The following CYTH1 variants were observed in gnomAD, a reference collection of about 807,000 sequenced individuals.
CYTH1 encodes the protein cytohesin 1, also known as cytohesin-1.
CYTH1 carries 18 observed loss-of-function variants against 61.8 expected under a neutral mutation model. That is an observed-to-expected ratio of 0.29 (90% CI 0.20 to 0.43). CYTH1 has a LOEUF of 0.43. Among genes scored for constraint, CYTH1 ranks in the 20% least tolerant of loss-of-function variants. The pLI, the probability that CYTH1 is intolerant of heterozygous loss-of-function variation, is 1.00. For missense variants in CYTH1, 336 were observed against 510.5 expected (o/e 0.66, Z 3.29); for synonymous variants, 174 against 184.3 (o/e 0.94, Z 0.45).
chr17:78,726,383 C>T (rs1472718435), intron 1 of CYTH1, among the ~76,000 whole-genome samples: 1 of 149,366 alleles, frequency 6.7e-6, no homozygotes, highest in East Asian at 1.9e-4. Context: ...AAACGAGGCC[C>T]CCTGTCAGTT....
chr17:78,748,514 C>T (rs564024235), intron 1 of CYTH1, among the ~76,000 whole-genome samples: 4 of 152,202 alleles, frequency 2.6e-5, no homozygotes, highest in Non-Finnish European at 4.4e-5. Context: ...ATGATAAATA[C>T]AATTGATCTT....
chr17:78,768,937 G>A (rs962400019), intron 1 of CYTH1, among the ~76,000 whole-genome samples: 1 of 152,122 alleles, frequency 6.6e-6, no homozygotes, highest in Admixed American at 6.5e-5. Context: ...CTTGAGGCCA[G>A]GAGATCAAGA....
intron 1 of CYTH1, among the ~76,000 whole-genome samples, chr17:78,733,168 C>T (rs1222079977): frequency 2.0e-5 from 3 of 151,702 alleles, no homozygotes; most frequent in Admixed American, 6.6e-5. Flanking sequence ...AATCCAGTGT[C>T]CCACTGAGGA....
rs554046365 is a variant in CYTH1, at chr17:78,762,412, C to G, written c.22+19790G>C. 5.7e-4 allele frequency among the ~76,000 whole-genome samples: 87 copies of G among 152,284 alleles called. 1 individual carries two copies. The highest frequency in any genetic ancestry group is 7.3e-5 in the Non-Finnish European group (5 of 68,028). ...ACTGCAATACTTAATACCCATGAGGCACACTTCCATAAGAAGAAAATGATA... is the reference window on the plus strand; with the variant it reads ...ACTGCAATACTTAATACCCATGAGGGACACTTCCATAAGAAGAAAATGATA... On this transcript the variant is annotated intron_variant, in intron 1 of 13. Coordinates refer to ENST00000446868, the MANE Select transcript of CYTH1 (RefSeq NM_004762.6).
chr17:78,721,146 G>C (rs979477625), intron 1 of CYTH1, among the ~76,000 whole-genome samples: 1 of 151,930 alleles, frequency 6.6e-6, no homozygotes, highest in African/African-American at 2.4e-5. Context: ...CCTGGCCAAC[G>C]TGGTGAAACC....
At chr17:78,714,119 G>A (rs1407184109) in intron 1 of CYTH1, among the ~76,000 whole-genome samples, 1 of 151,768 alleles carries the variant, frequency 6.6e-6, no homozygotes, top group Non-Finnish European at 1.5e-5. Context: ...GTGAAACCCC[G>A]TCTCTACTAA....
chr17:78,689,954 C>T (rs563376545), intron 11 of CYTH1, among the ~76,000 whole-genome samples: 107 of 151,944 alleles, frequency 7.0e-4, no homozygotes, highest in Non-Finnish European at 1.4e-3. Flanking sequence ...GCTGCCCCTG[C>T]CACCGCTGCT....
At chr17:78,708,669 T>C (rs1217622126) in intron 2 of CYTH1, among the ~76,000 whole-genome samples, 1 of 152,242 alleles carries the variant, frequency 6.6e-6, no homozygotes, top group South Asian at 2.1e-4. Flanking sequence ...CTGCAGAGCC[T>C]GCAGTAGCTG....
chr17:78,681,227 A>G (rs919531193), intron 11 of CYTH1, among the ~76,000 whole-genome samples, 185 bp from the exon 12 acceptor site: 2 of 152,202 alleles, frequency 1.3e-5, no homozygotes, highest in African/African-American at 2.4e-5. Flanking sequence ...AGGATTGTCA[A>G]TATAACTGCT....
chr17:78,679,189 C>T (rs2143985267), intron 13 of CYTH1, among the ~76,000 whole-genome samples: 1 of 152,342 alleles, frequency 6.6e-6, no homozygotes, highest in Non-Finnish European at 1.5e-5. Context: ...ACACAGTACA[C>T]AGAGGACTTA....
chr17:78,703,411 CAAAAA>C (rs67437891), intron 3 of CYTH1, among the ~76,000 whole-genome samples: 2 of 69,686 alleles, frequency 2.9e-5, no homozygotes, highest in Admixed American at 1.9e-4. Context: ...ACTCCGTCTC[CAAAAA>C]AAAAAAAAAA....
At chr17:78,715,248 A>AAGAT (rs1474278121) in intron 1 of CYTH1, among the ~76,000 whole-genome samples, 26 of 152,202 alleles carry the variant, frequency 1.7e-4, no homozygotes, top group Non-Finnish European at 5.9e-5. Flanking sequence ...CCGCACACTA[A>AAGAT]AGATAGCGCA....
intron 1 of CYTH1, among the ~76,000 whole-genome samples, chr17:78,712,258 A>T (rs1335255250): frequency 6.6e-6 from 1 of 152,156 alleles, no homozygotes; most frequent in Non-Finnish European, 1.5e-5. Flanking sequence ...TGCATTTTAC[A>T]TCATGACCCA....
At chr17:78,774,454 T>C (rs2093483429) in intron 1 of CYTH1, among the ~76,000 whole-genome samples, 1 of 152,276 alleles carries the variant, frequency 6.6e-6, no homozygotes, top group East Asian at 1.9e-4. Context: ...ACAGAAGTGT[T>C]CTGGTTTCTG....
At chr17:78,772,808 T>A (rs1406010883) in intron 1 of CYTH1, among the ~76,000 whole-genome samples, 3 of 151,830 alleles carry the variant, frequency 2.0e-5, no homozygotes, top group Non-Finnish European at 4.4e-5. Context: ...AGTGTTGGGA[T>A]TACAGGCGTG....
intron 1 of CYTH1, among the ~76,000 whole-genome samples, chr17:78,761,807 A>G (rs1341503369): frequency 6.6e-6 from 1 of 152,254 alleles, no homozygotes; most frequent in Non-Finnish European, 1.5e-5. Context: ...TTAGAATGCT[A>G]TACACACACA....
intron 1 of CYTH1, among the ~76,000 whole-genome samples, chr17:78,747,163 A>G (rs955523229): frequency 1.3e-5 from 2 of 150,594 alleles, no homozygotes; most frequent in African/African-American, 2.4e-5. Context: ...AAAAAAAAAA[A>G]AAAAAAAGAA....
chr17:78,689,387 A>G (rs1283721778), intron 11 of CYTH1, among the ~76,000 whole-genome samples: 8 of 152,214 alleles, frequency 5.3e-5, no homozygotes, highest in Non-Finnish European at 1.2e-4. Flanking sequence ...ACCTCAGATC[A>G]TCAGGCATTA....
intron 3 of CYTH1, among the ~76,000 whole-genome samples, chr17:78,703,277 T>C (rs1448434125): frequency 6.6e-6 from 1 of 151,368 alleles, no homozygotes; most frequent in Non-Finnish European, 1.5e-5. Context: ...CCAGGCATGG[T>C]GGTGGGCACC....
Sources: allele counts gnomAD v4.1 joint callset (sites outside exome capture counted in the v4.1 genomes callset), GRCh38; gene constraint gnomAD v4.1.1; transcripts MANE v1.5; gene names NCBI Gene and HGNC (gene_info 2026-07-23, HGNC 2026-07-21).